NAV3: variants seen among roughly 807,000 people sequenced by gnomAD.
NAV3 encodes pore membrane and/or filament interacting like protein 1.
NAV3 carries 87 observed loss-of-function variants against 244.7 expected under a neutral mutation model. That is an observed-to-expected ratio of 0.36 (90% confidence interval 0.30 to 0.42). The LOEUF is 0.42. Ranked by LOEUF, NAV3 falls within the 20% of genes least tolerant of loss-of-function variation. NAV3 has a pLI of 1.00. For missense variants in NAV3, 2,663 were observed against 2,893.3 expected (o/e 0.92, Z 1.83); for synonymous variants, 1,126 against 1,042.2 (o/e 1.08, Z -1.55).
chr12:77,733,265 G>T (rs1188774848), intron 2 of NAV3, among the ~76,000 whole-genome samples: 1 of 151,938 alleles, frequency 6.6e-6, no homozygotes, highest in Non-Finnish European at 1.5e-5. Flanking sequence ...TTGGAATAGG[G>T]CATGACGAGT....
At chr12:77,756,362 T>C (rs543674333) in intron 2 of NAV3, among the ~76,000 whole-genome samples, 6 of 152,288 alleles carry the variant, frequency 3.9e-5, no homozygotes, top group East Asian at 3.9e-4. Context: ...ACTTTTTTTT[T>C]CCAAATTTTA....
intron 1 of NAV3, among the ~76,000 whole-genome samples, chr12:77,900,568 G>A (rs76661204): frequency 0.42 from 63,569 of 149,704 alleles, 14,478 homozygotes; most frequent in African/African-American, 0.61. Context: ...ACATGCACAC[G>A]CGTATGTGTG....
At chr12:77,872,136 TG>T (rs1327331798) in intron 1 of NAV3, among the ~76,000 whole-genome samples, 1 of 152,190 alleles carries the variant, frequency 6.6e-6, no homozygotes, top group African/African-American at 2.4e-5. Flanking sequence ...GATGGGGTTG[TG>T]TTTTTTTTCT....
intron 12 of NAV3, among the ~76,000 whole-genome samples, chr12:78,069,503 T>C: frequency 6.6e-6 from 1 of 151,960 alleles, no homozygotes. Flanking sequence ...TATAGTACCC[T>C]GCTTTCTTCA....
chr12:77,842,328 C>T (rs879543766), intron 1 of NAV3, among the ~76,000 whole-genome samples: 2 of 151,912 alleles, frequency 1.3e-5, no homozygotes, highest in African/African-American at 2.4e-5. Flanking sequence ...TCTTCTGTTC[C>T]AACCTGCTCA....
chr12:77,982,344 AAGAG>A (rs1565985129), intron 5 of NAV3, among the ~76,000 whole-genome samples: 1 of 147,132 alleles, frequency 6.8e-6, no homozygotes, highest in Non-Finnish European at 1.5e-5. Context: ...ACCATGAGCC[AAGAG>A]ATACATCAGA....
intron 2 of NAV3, among the ~76,000 whole-genome samples, chr12:77,696,810 T>C (rs143827780): frequency 1.3e-5 from 2 of 152,292 alleles, no homozygotes; most frequent in East Asian, 3.9e-4. Context: ...AATGCTTGAA[T>C]ATAAGCATAC....
intron 1 of NAV3, among the ~76,000 whole-genome samples, chr12:77,879,950 C>A (rs910440200): frequency 2.6e-5 from 4 of 152,096 alleles, no homozygotes; most frequent in African/African-American, 9.7e-5. Context: ...GACTTAAATT[C>A]TCTACTCTCA....
chr12:78,118,031 G>A lies in NAV3; in HGVS notation c.2774G>A (p.Arg925Lys). Residue 925 changes from arginine to lysine, a missense_variant, in exon 14 of 40, where the codon AGG (arginine) becomes AAG (lysine). By Grantham distance (26) the Arg-to-Lys change is conservative (BLOSUM62 2). Coordinates refer to ENST00000397909, the MANE Select transcript of NAV3 (RefSeq NM_001024383.2). ...TVPSRKNTQL[R>K]TDSEKRSTTD... ...CTGTAATATTTGTCTTTATAGCTGA[G>A]GACAGATTCAGAGAAACGCTCCACC... 1 of 1,605,098 alleles carries A rather than the reference G, an allele frequency of 6.2e-7. No homozygotes were observed. The highest frequency in any genetic ancestry group is 1.3e-5 in the African/African-American group (1 of 74,356).
chr12:78,058,902 T>A (rs1883902183), intron 11 of NAV3, 94 bp from the exon 12 acceptor site: 1 of 1,011,536 alleles, frequency 9.9e-7, no homozygotes, highest in Non-Finnish European at 1.4e-6. Flanking sequence ...TTTGAGTAAT[T>A]ATTGAAAATT....
chr12:78,150,088 T>C (rs1957016033), intron 22 of NAV3, among the ~76,000 whole-genome samples: 1 of 152,052 alleles, frequency 6.6e-6, no homozygotes, highest in Non-Finnish European at 1.5e-5. Flanking sequence ...TATTTAACCT[T>C]GTTGTGTTTT....
chr12:77,603,708 AT>A (rs960116607), intron 2 of NAV3, among the ~76,000 whole-genome samples: 1 of 152,070 alleles, frequency 6.6e-6, no homozygotes, highest in South Asian at 2.1e-4. Flanking sequence ...GAGAGGCAGG[AT>A]TGAACCTTGA....
intron 12 of NAV3, among the ~76,000 whole-genome samples, chr12:78,104,232 G>A (rs535490763): frequency 6.6e-6 from 1 of 152,144 alleles, no homozygotes; most frequent in Admixed American, 6.5e-5. Context: ...AAGTAGGACT[G>A]TTGAGCCCCA....
chr12:77,658,607 A>T (rs948189295), intron 2 of NAV3, among the ~76,000 whole-genome samples: 1 of 152,074 alleles, frequency 6.6e-6, no homozygotes, highest in Non-Finnish European at 1.5e-5. Context: ...GGAAAAAACT[A>T]CTTTAAAGTT....
chr12:77,691,329 G>GTGTATATATATA lies in NAV3; in HGVS notation c.72+119064_72+119065insGTATATATATAT, dbSNP rs1555195177. Among the ~76,000 whole-genome samples, 65 of 66,702 alleles carry GTGTATATATATA rather than the reference G, an allele frequency of 9.7e-4. 2 individuals are homozygous for GTGTATATATATA. The highest frequency in any genetic ancestry group is 0.011 in the Middle Eastern group (1 of 94). 43.8% of individuals were successfully genotyped at this position (66,702 alleles called of 152,430 possible). On this transcript the variant is annotated intron_variant, in intron 2 of 8. Coordinates refer to the NAV3 transcript ENST00000550042. ...TATATAGTCATATATAAGTATTTGT[G>GTGTATATATATA]TATGTGTGTATATATATATATATAT...
chr12:78,153,550 C>T (rs968493039), intron 22 of NAV3, among the ~76,000 whole-genome samples: 7 of 152,058 alleles, frequency 4.6e-5, no homozygotes, highest in African/African-American at 1.4e-4. Flanking sequence ...TGGCCTCTCG[C>T]CCACACCTTA....
rs539003809 is a variant in NAV3 at position 77,626,554 on chromosome 12, G to A, written c.72+54288G>A. On this transcript the variant is annotated intron_variant, in intron 2 of 8. Coordinates refer to the NAV3 transcript ENST00000550042. The stretch of plus-strand genomic sequence containing the variant: ...AATTCTAAAAACAGCAAGAAAAAAA[G>A]CATCCAGTCACATATAAGGGCATCT... Among the ~76,000 whole-genome samples, 3 of 152,102 alleles carry A rather than the reference G, an allele frequency of 2.0e-5. No individual in the cohort carries two copies. The East Asian group carries it at 5.8e-4, about 29-fold the overall frequency.
chr12:77,979,810 A>G (rs1223883941), intron 5 of NAV3, among the ~76,000 whole-genome samples: 1 of 151,962 alleles, frequency 6.6e-6, no homozygotes, highest in Non-Finnish European at 1.5e-5. Context: ...CTGCTTACTA[A>G]TATTGTTACT....
At chr12:77,626,639 A>T (rs950851130) in intron 2 of NAV3, among the ~76,000 whole-genome samples, 1 of 152,122 alleles carries the variant, frequency 6.6e-6, no homozygotes. Context: ...GAATAGTATG[A>T]TATATTCAAA....
Sources: allele counts gnomAD v4.1 joint callset (sites outside exome capture counted in the v4.1 genomes callset), GRCh38; gene constraint gnomAD v4.1.1; transcripts MANE v1.5; gene names NCBI Gene and HGNC (gene_info 2026-07-23, HGNC 2026-07-21).